The following MGAT4C variants were observed in gnomAD, a reference collection of about 807,000 sequenced individuals.
MGAT4C encodes the protein alpha-1,3-mannosyl-glycoprotein 4-beta-N-acetylglucosaminyltransferase C.
Under a neutral mutation model 40.1 loss-of-function variants are expected in MGAT4C, and 19 were observed. That is an observed-to-expected ratio of 0.47 (90% CI 0.33 to 0.70). MGAT4C has a LOEUF of 0.70. Ranked by LOEUF, MGAT4C falls within the 30% of genes least tolerant of loss-of-function variation. MGAT4C has a pLI of 0.02. For missense variants in MGAT4C, 491 were observed against 563.2 expected, an observed-to-expected ratio of 0.87 and a Z score of 1.30; for synonymous variants, 181 against 187.1, an observed-to-expected ratio of 0.97 and a Z score of 0.27.
intron 2 of MGAT4C, among the ~76,000 whole-genome samples, chr12:86,581,869 TA>T (rs1960791832): frequency 6.6e-6 from 1 of 151,488 alleles, no homozygotes; most frequent in Non-Finnish European, 1.5e-5. Flanking sequence ...GCTGTCTAGA[TA>T]AAACTATGCT....
chr12:86,062,767 G>A (rs755096167), intron 1 of MGAT4C, among the ~76,000 whole-genome samples: 28 of 151,652 alleles, frequency 1.8e-4, no homozygotes, highest in African/African-American at 6.5e-4. Flanking sequence ...CAGAAGAAAG[G>A]ATATCAGAGA....
At chr12:86,654,731 T>C (rs1963796206) in intron 2 of MGAT4C, among the ~76,000 whole-genome samples, 1 of 151,702 alleles carries the variant, frequency 6.6e-6, no homozygotes. Flanking sequence ...CTTTTTTTTT[T>C]TTTCTCTTAA....
At chr12:86,133,898 T>C (rs1881590479) in intron 1 of MGAT4C, among the ~76,000 whole-genome samples, 1 of 152,064 alleles carries the variant, frequency 6.6e-6, no homozygotes, top group Non-Finnish European at 1.5e-5. Context: ...CATGGAGAAC[T>C]TAGAAATATG....
chr12:86,489,568 T>G (rs1958091242), intron 2 of MGAT4C, among the ~76,000 whole-genome samples: 1 of 152,182 alleles, frequency 6.6e-6, no homozygotes, highest in Non-Finnish European at 1.5e-5. Flanking sequence ...TAACATGCCC[T>G]CTGGGGCATT....
chr12:86,180,897 T>C (rs1295535345), intron 1 of MGAT4C, among the ~76,000 whole-genome samples: 1 of 152,152 alleles, frequency 6.6e-6, no homozygotes, highest in Non-Finnish European at 1.5e-5. Context: ...GAAGGCATGA[T>C]TGATTTTCAA....
chr12:86,805,365 C>A (rs934658631), intron 1 of MGAT4C, among the ~76,000 whole-genome samples: 1 of 151,938 alleles, frequency 6.6e-6, no homozygotes, highest in Non-Finnish European at 1.5e-5. Flanking sequence ...CTGTTCCCTA[C>A]CCTCCTTAAT....
At chr12:86,291,480 T>G in intron 4 of MGAT4C, among the ~76,000 whole-genome samples, 1 of 152,166 alleles carries the variant, frequency 6.6e-6, no homozygotes, top group East Asian at 1.9e-4. Flanking sequence ...ATTGAGAAGC[T>G]TTCTTTTTTT....
In MGAT4C at chr12:86,005,191, C is replaced by T. The variant is rs144938991; in HGVS notation, c.-6-15639G>A. On this transcript the variant is annotated intron_variant, in intron 2 of 4. Coordinates refer to ENST00000611864, the MANE Select transcript of MGAT4C (RefSeq NM_001351288.2). ...TTTATTTTCTCAAAGACTTGTGCCA[C>T]ATTGGGCAGAGAAGCCATTGCTTAC... Among the ~76,000 whole-genome samples, 558 of 152,294 alleles carry T rather than the reference C, an allele frequency of 3.7e-3. 2 individuals are homozygous for T. Among genetic ancestry groups the T allele is most frequent in the Middle Eastern group, 0.017 (5 of 294 alleles).
intron 2 of MGAT4C, chr12:86,013,646 T>C (rs1325477376): frequency 1.4e-6 from 1 of 705,330 alleles, no homozygotes; most frequent in East Asian, 1.3e-4. Context: ...TGTGAACGTG[T>C]ACTATTCTTT....
chr12:86,722,478 T>C (rs559506271), intron 2 of MGAT4C, among the ~76,000 whole-genome samples: 2 of 152,284 alleles, frequency 1.3e-5, no homozygotes, highest in African/African-American at 2.4e-5. Context: ...ATAAAATATA[T>C]ATATTGAAAT....
chr12:86,605,941 G>T (rs1055743711), intron 2 of MGAT4C, among the ~76,000 whole-genome samples: 12 of 152,124 alleles, frequency 7.9e-5, no homozygotes, highest in African/African-American at 2.9e-4. Context: ...AAGGAAAGAA[G>T]TTTAATTGAC....
At chr12:86,571,745 A>G (rs1405288775) in intron 2 of MGAT4C, among the ~76,000 whole-genome samples, 1 of 152,162 alleles carries the variant, frequency 6.6e-6, no homozygotes, top group African/African-American at 2.4e-5. Flanking sequence ...TTTTAATTTT[A>G]TCTGAATAGG....
intron 1 of MGAT4C, among the ~76,000 whole-genome samples, chr12:86,092,866 A>G (rs945155523): frequency 6.6e-6 from 1 of 151,662 alleles, no homozygotes; most frequent in African/African-American, 2.4e-5. Flanking sequence ...TCTTTTTTTT[A>G]TTATTATACT....
intron 2 of MGAT4C, among the ~76,000 whole-genome samples, chr12:86,461,623 A>G (rs1354061099): frequency 2.0e-5 from 3 of 152,208 alleles, no homozygotes; most frequent in African/African-American, 4.8e-5. Context: ...CTACATTTCA[A>G]TAGAAAGAAA....
intron 2 of MGAT4C, among the ~76,000 whole-genome samples, chr12:86,506,382 A>C (rs762175957): frequency 4.6e-5 from 7 of 152,206 alleles, no homozygotes; most frequent in South Asian, 2.1e-4. Context: ...AAATCAAAGA[A>C]AACCAGAAAT....
At chr12:86,310,142 G>T (rs918627500) in intron 4 of MGAT4C, among the ~76,000 whole-genome samples, 15 of 151,682 alleles carry the variant, frequency 9.9e-5, no homozygotes, top group African/African-American at 3.4e-4. Context: ...TTAAGCTAGG[G>T]TCTCAAACTC....
At chr12:86,395,512 G>T (rs1956245365) in intron 3 of MGAT4C, among the ~76,000 whole-genome samples, 1 of 152,148 alleles carries the variant, frequency 6.6e-6, no homozygotes, top group African/African-American at 2.4e-5. Context: ...GAAAAATGAG[G>T]TGAGTTATTA....
At chr12:86,450,428 T>C (rs1037046172) in intron 2 of MGAT4C, among the ~76,000 whole-genome samples, 3 of 152,180 alleles carry the variant, frequency 2.0e-5, no homozygotes, top group Non-Finnish European at 4.4e-5. Context: ...ATTATTCAAA[T>C]TGTCAAAATA....
chr12:86,203,228 TAA>T (rs1950114678), intron 1 of MGAT4C, among the ~76,000 whole-genome samples: 1 of 152,166 alleles, frequency 6.6e-6, no homozygotes, highest in Non-Finnish European at 1.5e-5. Flanking sequence ...GTTAACTTCT[TAA>T]TTCAACGGTT....
Sources: allele counts gnomAD v4.1 joint callset (sites outside exome capture counted in the v4.1 genomes callset), GRCh38; gene constraint gnomAD v4.1.1; transcripts MANE v1.5; gene names NCBI Gene and HGNC (gene_info 2026-07-23, HGNC 2026-07-21).